Variants in SYNDIG1L observed in about 807,000 individuals in gnomAD.
SYNDIG1L encodes the protein synapse differentiation inducing 1 like, also known as synapse differentiation-inducing gene protein 1-like.
In SYNDIG1L, 13 loss-of-function variants were observed where a neutral mutation model predicts 20.1. The ratio of observed to expected loss-of-function variants is 0.65; its 90% CI spans 0.42 to 1.03. The LOEUF (loss-of-function observed/expected upper bound fraction) is 1.03. SYNDIG1L is among the 50% of genes least tolerant of loss of function. SYNDIG1L has a pLI of 0.00. For missense variants in SYNDIG1L, 294 were observed against 305.1 expected (o/e 0.96, Z 0.27); for synonymous variants, 128 against 129.3 (o/e 0.99, Z 0.07).
chr14:74,408,496 G>A (rs1566580839), intron 2 of SYNDIG1L, among the ~76,000 whole-genome samples: 2 of 151,766 alleles, frequency 1.3e-5, no homozygotes, highest in African/African-American at 2.4e-5. Flanking sequence ...CCTGGGAGGC[G>A]GGGGTTGCAG....
At chr14:74,449,277 T>A in the SYNDIG1L span, among the ~76,000 whole-genome samples, 1 of 148,784 alleles carries the variant, frequency 6.7e-6, no homozygotes, top group African/African-American at 2.5e-5. Context: ...TGTTTTGAAC[T>A]GGATGAAAAT....
At chr14:74,424,757 G>A (rs1315910872) in intron 1 of SYNDIG1L, among the ~76,000 whole-genome samples, 1 of 152,146 alleles carries the variant, frequency 6.6e-6, no homozygotes, top group Non-Finnish European at 1.5e-5. Context: ...TAGGGGTTGG[G>A]AACAGTGACA....
At chr14:74,439,130 A>AC in the SYNDIG1L span, among the ~76,000 whole-genome samples, 1 of 151,844 alleles carries the variant, frequency 6.6e-6, no homozygotes, top group Admixed American at 6.6e-5. Flanking sequence ...AAAAAAAAAA[A>AC]AAAAGGCTCA....
the SYNDIG1L span, among the ~76,000 whole-genome samples, chr14:74,442,673 A>T: frequency 2.0e-5 from 3 of 152,220 alleles, no homozygotes; most frequent in African/African-American, 7.2e-5. Context: ...TGGTAAAATG[A>T]GTTTAGGCAC....
chr14:74,411,614 G>A (rs2086131152), intron 1 of SYNDIG1L, among the ~76,000 whole-genome samples: 1 of 152,192 alleles, frequency 6.6e-6, no homozygotes, highest in Non-Finnish European at 1.5e-5. Flanking sequence ...CATGGCTCCA[G>A]GAACAATGCC....
the SYNDIG1L span, among the ~76,000 whole-genome samples, chr14:74,442,705 A>G: frequency 6.6e-6 from 1 of 152,344 alleles, no homozygotes; most frequent in African/African-American, 2.4e-5. Flanking sequence ...GGCCACTACT[A>G]CGGTTCAAAT....
At chr14:74,453,421 GGGAGAGGAGGA>G in the SYNDIG1L span, among the ~76,000 whole-genome samples, 2 of 149,632 alleles carry the variant, frequency 1.3e-5, no homozygotes, top group Admixed American at 1.3e-4. Flanking sequence ...TGTTTGGGCA[GGGAGAGGAGGA>G]GTAAAGCAAG....
intron 1 of SYNDIG1L, among the ~76,000 whole-genome samples, chr14:74,415,233 C>A (rs964438471): frequency 6.6e-6 from 1 of 152,194 alleles, no homozygotes; most frequent in South Asian, 2.1e-4. Flanking sequence ...CACCCCTTGT[C>A]GGATGAAGGC....
chr14:74,447,933 A>T, the SYNDIG1L span, among the ~76,000 whole-genome samples: 11 of 152,200 alleles, frequency 7.2e-5, no homozygotes, highest in African/African-American at 2.7e-4. Context: ...GTAAAATATC[A>T]CTTTGAGGTA....
At chr14:74,421,100 A>G (rs2139630221) in intron 1 of SYNDIG1L, among the ~76,000 whole-genome samples, 1 of 152,336 alleles carries the variant, frequency 6.6e-6, no homozygotes, top group South Asian at 2.1e-4. Flanking sequence ...TTACAGAAAA[A>G]AAACTTTGAA....
At chr14:74,475,289 C>T in the SYNDIG1L span, among the ~76,000 whole-genome samples, 1 of 151,134 alleles carries the variant, frequency 6.6e-6, no homozygotes, top group African/African-American at 2.4e-5. Context: ...CACTTTGCAT[C>T]CCCCATCTCA....
At chr14:74,454,507 C>T in the SYNDIG1L span, among the ~76,000 whole-genome samples, 3 of 152,162 alleles carry the variant, frequency 2.0e-5, no homozygotes, top group African/African-American at 7.2e-5. Context: ...CAGAGAGCAG[C>T]CCTGAGAAGC....
intron 1 of SYNDIG1L, among the ~76,000 whole-genome samples, chr14:74,418,122 T>C (rs8008485): frequency 0.1 from 15,182 of 152,290 alleles, 1,356 homozygotes; most frequent in African/African-American, 0.23. Context: ...TCAGATCATG[T>C]ATAAACTGTT....
At chr14:74,469,458 A>T in the SYNDIG1L span, among the ~76,000 whole-genome samples, 1 of 152,018 alleles carries the variant, frequency 6.6e-6, no homozygotes, top group Non-Finnish European at 1.5e-5. Flanking sequence ...AACATGGCAC[A>T]TGTATACATA....
At chr14:74,455,750 C>G in the SYNDIG1L span, among the ~76,000 whole-genome samples, 1 of 152,134 alleles carries the variant, frequency 6.6e-6, no homozygotes, top group Admixed American at 6.5e-5. Flanking sequence ...GGCTTCTAAG[C>G]CTTCCTGCTC....
chr14:74,446,353 C>CA, the SYNDIG1L span, among the ~76,000 whole-genome samples: 3 of 151,416 alleles, frequency 2.0e-5, no homozygotes, highest in Non-Finnish European at 2.9e-5. Flanking sequence ...AAATAAGCAC[C>CA]AAAAAAATTA....
rs188539820 is a variant in SYNDIG1L, at chr14:74,408,541, G to T, written c.418-552C>A. Among the ~76,000 whole-genome samples, 19 of 149,294 alleles carry T rather than the reference G, an allele frequency of 1.3e-4. No homozygotes were observed. The East Asian group carries it at 2.5e-3, about 20-fold the overall frequency. ...ATCGCACCTTTGCACTCCAGCCGGGGCGACAGAGCGAGACTCCATCTCAAA... is the reference window on the plus strand; with the variant it reads ...ATCGCACCTTTGCACTCCAGCCGGGTCGACAGAGCGAGACTCCATCTCAAA... On this transcript the variant is annotated intron_variant, in intron 2 of 3. Transcript: ENST00000331628.
the SYNDIG1L span, among the ~76,000 whole-genome samples, chr14:74,436,993 T>A: frequency 6.6e-6 from 1 of 152,192 alleles, no homozygotes; most frequent in Admixed American, 6.5e-5. Context: ...AGCGTTGTAC[T>A]TTTACATCAT....
Position 74,414,513 on chromosome 14 carries a change from G to A in SYNDIG1L, c.-57-4712C>T, listed in dbSNP as rs2086159035. On this transcript the variant is annotated intron_variant, in intron 1 of 3. Coordinates refer to ENST00000331628, the MANE Select transcript of SYNDIG1L (RefSeq NM_001105579.2). ...CTGCCACCTTCCAGACCAGGGGCAG[G>A]AAACCATTCAGGAATCCGCTGGAGT... is the stretch of plus-strand genomic sequence containing the variant. Among the ~76,000 whole-genome samples the A allele has an allele frequency of 5.3e-5, 8 of 152,312 alleles. No homozygotes were observed. The South Asian group carries it at 1.7e-3, about 32-fold the overall frequency.
Sources: allele counts gnomAD v4.1 joint callset (sites outside exome capture counted in the v4.1 genomes callset), GRCh38; gene constraint gnomAD v4.1.1; transcripts MANE v1.5; gene names NCBI Gene and HGNC (gene_info 2026-07-23, HGNC 2026-07-21).